ZNF516: variants seen among roughly 807,000 people sequenced by gnomAD.
ZNF516 encodes zinc finger protein 516.
A neutral mutation model predicts 79.7 loss-of-function variants in ZNF516; 19 were observed. That is an observed-to-expected ratio of 0.24 (90% CI 0.17 to 0.35). ZNF516 has a LOEUF of 0.35. Ranked by LOEUF, ZNF516 falls within the 10% of genes least tolerant of loss-of-function variation. The pLI is 1.00. For missense variants in ZNF516, 1,678 were observed against 1,679.5 expected (o/e 1.00, Z 0.02); for synonymous variants, 877 against 739.5 (o/e 1.19, Z -3.02).
Position 76,441,327 on chromosome 18 carries a change from G to A in ZNF516, c.1728C>T (p.Ala576=), listed in dbSNP as rs1442356262. ...SQPSSPGSAC[A]AADSPGSGLA... ...GGCCAGAGCCCGGGGAGTCAGCAGC[G>A]GCACAGGCGGAGCCAGGGCTGCTGG... is the stretch of plus-strand genomic sequence containing the variant. The change falls in exon 3 of 7, where the codon GCC becomes GCT. Residue 576 remains alanine, a synonymous_variant. Coordinates refer to ENST00000443185, the MANE Select transcript of ZNF516 (RefSeq NM_014643.4). 2 of 1,611,616 alleles carry A rather than the reference G, an allele frequency of 1.2e-6. No homozygotes were observed. The highest frequency in any genetic ancestry group is 1.7e-6 in the Non-Finnish European group (2 of 1,179,548).
At chr18:76,464,864 T>C (rs934830684) in intron 1 of ZNF516, among the ~76,000 whole-genome samples, 2 of 152,236 alleles carry the variant, frequency 1.3e-5, no homozygotes, top group Non-Finnish European at 2.9e-5. Flanking sequence ...GGATGTATCA[T>C]GGGAGCCTTA....
chr18:76,476,782 A>G (rs990682450), intron 1 of ZNF516, among the ~76,000 whole-genome samples: 1 of 152,324 alleles, frequency 6.6e-6, no homozygotes, highest in Non-Finnish European at 1.5e-5. Context: ...GACTAGGTGA[A>G]CCGTAGGCAA....
chr18:76,465,662 G>A (rs1466284131), intron 1 of ZNF516, among the ~76,000 whole-genome samples: 2 of 152,240 alleles, frequency 1.3e-5, no homozygotes, highest in Admixed American at 6.5e-5. Flanking sequence ...CCCTGCGGGA[G>A]AAGGTTATCT....
At chr18:76,425,795 T>G (rs2075585624) in intron 3 of ZNF516, among the ~76,000 whole-genome samples, 1 of 152,150 alleles carries the variant, frequency 6.6e-6, no homozygotes, top group Non-Finnish European at 1.5e-5. Flanking sequence ...CTCAAGTCAC[T>G]GACAACCCAC....
intron 1 of ZNF516, among the ~76,000 whole-genome samples, chr18:76,488,996 G>A (rs548366614): frequency 6.6e-6 from 1 of 152,318 alleles, no homozygotes; most frequent in Non-Finnish European, 1.5e-5. Context: ...ATATTATACA[G>A]GAAAGTGCAC....
intron 3 of ZNF516, among the ~76,000 whole-genome samples, chr18:76,418,047 G>A (rs2075454998): frequency 6.6e-6 from 1 of 152,152 alleles, no homozygotes; most frequent in Non-Finnish European, 1.5e-5. Flanking sequence ...ACTGCCTGTG[G>A]CAGCCCCACA....
In ZNF516 at chr18:76,467,397, G is replaced by A. The variant is rs1217448798; in HGVS notation, c.-271-4256C>T. On this transcript the variant is annotated intron_variant, in intron 1 of 6. Coordinates refer to ENST00000443185, the MANE Select transcript of ZNF516 (RefSeq NM_014643.4). This position sits in a 1 kb window ranked among gnomAD's most constrained non-coding sequence, Gnocchi z 4.2. Reference sequence around the variant, plus strand: ...CCCCTCTGGGCTGGCAGGAAGTCCTGCGTGTCTCTTGTCCCAGAGAGGAAA... The same window carrying A: ...CCCCTCTGGGCTGGCAGGAAGTCCTACGTGTCTCTTGTCCCAGAGAGGAAA... Among the ~76,000 whole-genome samples, 2 of 152,044 alleles carry A rather than the reference G, an allele frequency of 1.3e-5. No homozygotes were observed. Among genetic ancestry groups the A allele is most frequent in the Admixed American group, 6.6e-5 (1 of 15,260 alleles).
rs1392149734 is a variant in ZNF516 at position 76,408,958 on chromosome 18, C to CAAAGATACGA, written c.1811-28665_1811-28656dup. Reference sequence around the variant, plus strand: ...TTCCGCCCCCACTCAGAAGCCAAGCCAAAGATACGAAAAGTTAAATATATT... The same window carrying CAAAGATACGA: ...TTCCGCCCCCACTCAGAAGCCAAGCCAAAGATACGAAAAGATACGAAAAGTTAAATATATT... On this transcript the variant is annotated intron_variant, in intron 3 of 6. Coordinates refer to ENST00000443185, the MANE Select transcript of ZNF516 (RefSeq NM_014643.4). Among the ~76,000 whole-genome samples the CAAAGATACGA allele has an allele frequency of 3.3e-5, 5 of 152,082 alleles. No individual in the cohort carries two copies. The South Asian group carries it at 1.0e-3, about 32-fold the overall frequency.
At chr18:76,370,617 T>C (rs1376152628) in intron 5 of ZNF516, 22 bp from the exon 6 acceptor site, 1 of 1,581,814 alleles carries the variant, frequency 6.3e-7, no homozygotes, top group Non-Finnish European at 8.6e-7. Context: ...AGGGGTTTGT[T>C]AACAGATCAG....
chr18:76,441,156 G>C (rs1197339746), intron 3 of ZNF516, 89 bp downstream of exon 3: 18 of 1,472,432 alleles, frequency 1.2e-5, no homozygotes, highest in Admixed American at 4.9e-5. Flanking sequence ...GCTAATGAGC[G>C]AGCCTACTTG....
In ZNF516 at chr18:76,420,787, A is replaced by G. The variant is rs117916755; in HGVS notation, c.1810+20458T>C. 3.4e-3 allele frequency among the ~76,000 whole-genome samples: 519 copies of G among 152,338 alleles called. 2 individuals are homozygous for G. Among genetic ancestry groups the G allele is most frequent in the Non-Finnish European group, 5.3e-3 (362 of 68,020 alleles). On this transcript the variant is annotated intron_variant, in intron 3 of 6. Coordinates refer to ENST00000443185, the MANE Select transcript of ZNF516 (RefSeq NM_014643.4). ...ATTTATAAACTTGCTGTTCAAAAGT[A>G]AAAATGTACTTTCATCAGGAAAGTT...
chr18:76,406,718 G>A (rs913498309), intron 3 of ZNF516, among the ~76,000 whole-genome samples: 6 of 152,182 alleles, frequency 3.9e-5, no homozygotes, highest in African/African-American at 1.4e-4. Context: ...ACACGTTCCT[G>A]TAGACCTAAG....
intron 2 of ZNF516, among the ~76,000 whole-genome samples, chr18:76,455,324 T>C (rs1263095604): frequency 1.3e-5 from 2 of 152,194 alleles, no homozygotes; most frequent in African/African-American, 4.8e-5. Flanking sequence ...TTCCTCTCTC[T>C]TTTCCTGCAA....
chr18:76,488,995 A>G (rs1645997135), intron 1 of ZNF516, among the ~76,000 whole-genome samples: 1 of 152,268 alleles, frequency 6.6e-6, no homozygotes, highest in Admixed American at 6.5e-5. Flanking sequence ...CATATTATAC[A>G]GGAAAGTGCA....
chr18:76,404,498 CAT>C (rs1480731896), intron 3 of ZNF516, among the ~76,000 whole-genome samples: 3 of 151,180 alleles, frequency 2.0e-5, no homozygotes, highest in Non-Finnish European at 2.9e-5. Context: ...AGCATGTGTG[CAT>C]GTGTGTGCAT....
In ZNF516 at chr18:76,430,434, A is replaced by C. The variant is rs76774061; in HGVS notation, c.1810+10811T>G. Among the ~76,000 whole-genome samples the C allele has an allele frequency of 4.7e-4, 72 of 152,348 alleles. No individual in the cohort carries two copies. The East Asian group carries it at 0.013, about 28-fold the overall frequency. On this transcript the variant is annotated intron_variant, in intron 3 of 6. Transcript: ENST00000443185. ...AGACTGGAAACCTGGCCATCATTTCAATATCAAAAATGTTCTCTAATTGTC... is the reference window on the plus strand; with the variant it reads ...AGACTGGAAACCTGGCCATCATTTCCATATCAAAAATGTTCTCTAATTGTC...
intron 3 of ZNF516, among the ~76,000 whole-genome samples, chr18:76,395,355 C>A (rs909225507): frequency 2.0e-5 from 3 of 152,146 alleles, no homozygotes; most frequent in Admixed American, 1.3e-4. Context: ...GCGCATCTGG[C>A]TCCTGGGAGA....
intron 3 of ZNF516, among the ~76,000 whole-genome samples, chr18:76,409,155 G>C (rs2075341061): frequency 6.9e-6 from 1 of 145,718 alleles, no homozygotes; most frequent in African/African-American, 2.5e-5. Context: ...AGCAGCAAGA[G>C]AACGATTCCA....
intron 3 of ZNF516, among the ~76,000 whole-genome samples, chr18:76,396,997 AAC>A (rs113747613): frequency 6.6e-6 from 1 of 152,234 alleles, no homozygotes; most frequent in Non-Finnish European, 1.5e-5. Context: ...CTCCTCCTGA[AAC>A]ACAAAAAAAT....
Sources: gnomAD v4.1 joint callset for allele counts (sites outside exome capture counted in the v4.1 genomes callset) on GRCh38, gnomAD v4.1.1 for gene constraint, Gnocchi (gnomAD v3.1) non-coding constraint, MANE v1.5 for transcripts, NCBI Gene and HGNC (gene_info 2026-07-23, HGNC 2026-07-21) for gene names.